ABCA6: variants seen among roughly 807,000 people sequenced by gnomAD.
The protein encoded by ABCA6 is ATP binding cassette subfamily A member 6, also known as ATP-binding cassette sub-family A member 6.
A neutral mutation model predicts 191.2 loss-of-function variants in ABCA6; 164 were observed. The observed-to-expected ratio is 0.86, with a 90% CI of 0.76 to 0.98. The LOEUF (loss-of-function observed/expected upper bound fraction) is 0.98. ABCA6 is among the 50% of genes least tolerant of loss of function. ABCA6 has a pLI of 0.00. For missense variants in ABCA6, 1,958 were observed against 1,894.1 expected (o/e 1.03, Z -0.63); for synonymous variants, 636 against 647.7 (o/e 0.98, Z 0.27).
In ABCA6 at chr17:69,099,933, T is replaced by C. The variant is rs149812473; in HGVS notation, c.3012+864A>G. Reference sequence around the variant, plus strand: ...CTTTTGTCACAAAATGGACTTCCCTTTGGATGGCTTCATTTCTAATCCTGC... The same window carrying C: ...CTTTTGTCACAAAATGGACTTCCCTCTGGATGGCTTCATTTCTAATCCTGC... On this transcript the variant is annotated intron_variant, in intron 22 of 38. Coordinates refer to ENST00000284425, the MANE Select transcript of ABCA6 (RefSeq NM_080284.3). 1.8e-3 allele frequency among the ~76,000 whole-genome samples: 121 copies of C among 65,578 alleles called. 1 individual carries two copies. The East Asian group carries it at 0.059, about 32-fold the overall frequency. 43.0% of individuals were successfully genotyped at this position (65,578 alleles called of 152,430 possible).
At chr17:69,125,225 G>A (rs563213117) in intron 8 of ABCA6, among the ~76,000 whole-genome samples, 190 bp from the exon 9 acceptor site, 34 of 151,424 alleles carry the variant, frequency 2.2e-4, no homozygotes, top group African/African-American at 8.0e-4. Flanking sequence ...TAATTAGAAA[G>A]AAATATTTAT....
intron 6 of ABCA6, among the ~76,000 whole-genome samples, chr17:69,130,378 C>G (rs1255413818): frequency 6.6e-6 from 1 of 151,600 alleles, no homozygotes; most frequent in Non-Finnish European, 1.5e-5. Context: ...GGCCATTGTG[C>G]CTCGTTGGTA....
chr17:69,102,265 AC>A (rs1263673159), intron 21 of ABCA6, among the ~76,000 whole-genome samples: 1 of 152,074 alleles, frequency 6.6e-6, no homozygotes. Context: ...AGTCACTGGA[AC>A]ATGGGAGGCA....
intron 16 of ABCA6, 119 bp downstream of exon 16, chr17:69,112,064 C>G: frequency 1.4e-6 from 1 of 712,518 alleles, no homozygotes. Context: ...TCAGGAAACA[C>G]TGATCAATCC....
intron 26 of ABCA6, among the ~76,000 whole-genome samples, chr17:69,090,238 A>C (rs2072894896): frequency 6.6e-6 from 1 of 152,212 alleles, no homozygotes; most frequent in South Asian, 2.1e-4. Flanking sequence ...TGATTACAGA[A>C]GCCCTCTTTA....
chr17:69,094,588 A>G (rs2073004844), intron 25 of ABCA6: 1 of 168,320 alleles, frequency 5.9e-6, no homozygotes. Context: ...AAACCTGCTC[A>G]GCTTCTCCAC....
intron 6 of ABCA6, among the ~76,000 whole-genome samples, chr17:69,133,111 T>A (rs2073893908): frequency 6.6e-6 from 1 of 152,228 alleles, no homozygotes; most frequent in South Asian, 2.1e-4. Flanking sequence ...GTCCTAGGAA[T>A]ATTATGTGGG....
chr17:69,112,787 G>C (rs2073452989), intron 15 of ABCA6: 2 of 153,448 alleles, frequency 1.3e-5, no homozygotes, highest in African/African-American at 2.4e-5. Flanking sequence ...AACGGTACTT[G>C]TACTCATTAA....
At position 69,105,718 on chromosome 17, in the gene ABCA6, C is replaced by T. The variant is rs904641675; in HGVS notation, c.2574-90G>A. On this transcript the variant is annotated intron_variant, in intron 19 of 38. Transcript: ENST00000284425. Reference sequence around the variant, plus strand: ...CACAAGTATTTGTTGAGTGCCAAGCCTGCCTTATGCCAATCATGATTCTAG... The same window carrying T: ...CACAAGTATTTGTTGAGTGCCAAGCTTGCCTTATGCCAATCATGATTCTAG... 8 of 996,804 alleles carry T rather than the reference C, an allele frequency of 8.0e-6. No individual in the cohort carries two copies. The African/African-American group carries it at 9.7e-5, about 12-fold the overall frequency. 61.7% of individuals were successfully genotyped at this position (996,804 alleles called of 1,614,324 possible). A position where few individuals can be genotyped will look rare whatever the true frequency, so the allele number is the denominator to read the frequency against.
Position 69,097,936 on chromosome 17 carries a change from C to A in ABCA6, c.3104G>T (p.Ser1035Ile). ...CSISPYITMG[S>I]ISDYKKNAKS... ...TTTTCTTACCTTGTAATCACTGATG[C>A]TGCCCATGGTGATATAAGGAGAAAT... Residue 1035 changes from serine to isoleucine, a missense_variant, in exon 23 of 39, where the codon AGC becomes ATC. By Grantham distance (142) the Ser-to-Ile change is moderately radical. Coordinates refer to ENST00000284425, the MANE Select transcript of ABCA6 (RefSeq NM_080284.3). 6.3e-7 allele frequency: 1 copy of A among 1,597,828 alleles called. No individual in the cohort carries two copies. Among genetic ancestry groups the A allele is most frequent in the Non-Finnish European group, 8.5e-7 (1 of 1,175,014 alleles).
rs145416811 is a variant in ABCA6, at chr17:69,084,438, C to T, written c.4254G>A (p.Thr1418=). Residue 1418 remains threonine (T), a synonymous_variant, in exon 33 of 39, where the codon ACG becomes ACA. Transcript: ENST00000284425. ...VPVQKLTAGI[T]RKLCFVLSLL... is the part of the protein sequence containing the mutation. ...CATCACACACCGCACGTACCTTTCT[C>T]GTGATTCCTGCTGTTAATTTCTGCA... 378 of 1,614,178 alleles carry T rather than the reference C, an allele frequency of 2.3e-4. 1 individual carries two copies. The highest frequency in any genetic ancestry group is 1.2e-3 in the Admixed American group (75 of 60,024).
Position 69,112,265 on chromosome 17 carries a change from CT to C in ABCA6, c.2049del (p.Val684Ter). On this transcript the variant is annotated frameshift_variant, in exon 16 of 39. Coordinates refer to ENST00000284425, the MANE Select transcript of ABCA6 (RefSeq NM_080284.3). LOFTEE classifies it high-confidence loss of function. The stretch of plus-strand genomic sequence containing the variant: ...TTCAGTCTCCCATTGGACATGATCA[CT>C]TTTCTATCTGAATGAAAGAAATCAA... ...MDEADILADR[K>X]VIMSNGRLKC... 1 of 1,610,596 alleles carries C rather than the reference CT, an allele frequency of 6.2e-7. No homozygotes were observed. Among genetic ancestry groups the C allele is most frequent in the Non-Finnish European group, 8.5e-7 (1 of 1,177,584 alleles).
At chr17:69,133,138 C>T (rs924911137) in intron 6 of ABCA6, among the ~76,000 whole-genome samples, 11 of 152,112 alleles carry the variant, frequency 7.2e-5, no homozygotes, top group African/African-American at 2.4e-4. Flanking sequence ...CATTTTATTC[C>T]AACATATAGT....
intron 6 of ABCA6, among the ~76,000 whole-genome samples, chr17:69,132,508 TCTCA>T (rs2073881585): frequency 6.6e-6 from 1 of 152,132 alleles, no homozygotes; most frequent in Admixed American, 6.5e-5. Context: ...TTTTATGGAG[TCTCA>T]CTCTGTCGCC....
At position 69,106,075 on chromosome 17, in the gene ABCA6, C is replaced by G; in HGVS notation, c.2526G>C (p.Arg842=). 1 of 1,613,436 alleles carries G rather than the reference C, an allele frequency of 6.2e-7. No homozygotes were observed. The highest frequency in any genetic ancestry group is 8.5e-7 in the Non-Finnish European group (1 of 1,179,660). The part of the protein sequence containing the change: ...LWRMQVFAMA[R]LRFLKLKRQT... ...GACGTTTTAACTTTAAGAAACGGAG[C>G]CGTGCCATGGCAAAGACTTGCATTC... is the stretch of plus-strand genomic sequence containing the variant. The change falls in exon 19 of 39, where the codon CGG becomes CGC. Residue 842 remains arginine, a synonymous_variant. Coordinates refer to ENST00000284425, the MANE Select transcript of ABCA6 (RefSeq NM_080284.3).
chr17:69,134,549 C>T (rs1267191393), intron 5 of ABCA6, 90 bp downstream of exon 5: 12 of 906,500 alleles, frequency 1.3e-5, no homozygotes, highest in Middle Eastern at 3.1e-4. Context: ...GCAGTACAAA[C>T]GGACTAAGAC....
intron 5 of ABCA6, 24 bp downstream of exon 5, chr17:69,134,615 A>G: frequency 6.5e-7 from 1 of 1,545,738 alleles, no homozygotes; most frequent in Non-Finnish European, 8.9e-7. Flanking sequence ...ATTAATTAGT[A>G]GAACTTTTCA....
intron 23 of ABCA6, among the ~76,000 whole-genome samples, chr17:69,097,003 T>C (rs181277383): frequency 6.6e-6 from 1 of 152,306 alleles, no homozygotes; most frequent in East Asian, 1.9e-4. Flanking sequence ...CTATCAAAAA[T>C]AAAATGTATA....
At position 69,085,621 on chromosome 17, in the gene ABCA6, C is replaced by T; in HGVS notation, c.4029+4G>A. The T allele has an allele frequency of 6.2e-7, 1 of 1,602,950 alleles. No homozygotes were observed. The highest frequency in any genetic ancestry group is 1.1e-5 in the South Asian group (1 of 90,184). ...TTTGGAAATGGAAACCATTTCCTCA[C>T]TACCTCTCCAGCAGTTGGCTTTGTG... is the stretch of plus-strand genomic sequence containing the variant. On this transcript the variant is annotated splice_donor_region_variant and intron_variant, in intron 31 of 38. Coordinates refer to ENST00000284425, the MANE Select transcript of ABCA6 (RefSeq NM_080284.3).
Sources: allele counts gnomAD v4.1 joint callset (sites outside exome capture counted in the v4.1 genomes callset), GRCh38; gene constraint gnomAD v4.1.1; transcripts MANE v1.5; gene names NCBI Gene and HGNC (gene_info 2026-07-23, HGNC 2026-07-21).